The following CEP128 variants were observed in gnomAD, a reference collection of about 807,000 sequenced individuals.
CEP128 encodes the protein centrosomal protein 128kDa.
In CEP128, 132 loss-of-function variants were observed where a neutral mutation model predicts 156.7. The ratio of observed to expected loss-of-function variants is 0.84; its 90% CI spans 0.73 to 0.97. The LOEUF is 0.97. CEP128 is among the 50% of genes least tolerant of loss of function. The pLI, the probability that CEP128 is intolerant of heterozygous loss-of-function variation, is 0.00. For synonymous variants in CEP128, 469 were observed against 448.9 expected, an observed-to-expected ratio of 1.04 and a Z score of -0.57; for missense variants, 1,252 against 1,281.9, an observed-to-expected ratio of 0.98 and a Z score of 0.36.
intron 19 of CEP128, among the ~76,000 whole-genome samples, chr14:80,705,526 G>A (rs959014863): frequency 2.0e-5 from 3 of 152,088 alleles, no homozygotes; most frequent in African/African-American, 7.2e-5. Flanking sequence ...CCATCAAGAG[G>A]TTGAAGAAAA....
At chr14:80,565,561 T>C (rs1370357006) in intron 20 of CEP128, among the ~76,000 whole-genome samples, 2 of 152,114 alleles carry the variant, frequency 1.3e-5, no homozygotes, top group Non-Finnish European at 2.9e-5. Flanking sequence ...GGTGAACCCA[T>C]TGGGTGGATA....
chr14:80,512,182 A>G (rs1045902545), intron 23 of CEP128, among the ~76,000 whole-genome samples: 1 of 152,052 alleles, frequency 6.6e-6, no homozygotes, highest in African/African-American at 2.4e-5. Context: ...TGAAGTCTTC[A>G]GCTTTTATTG....
Position 80,616,718 on chromosome 14 carries a change from G to A in CEP128, c.2807-36295C>T, listed in dbSNP as rs773630540. 3.5e-4 allele frequency among the ~76,000 whole-genome samples: 54 copies of A among 152,158 alleles called. 1 individual carries two copies. Among genetic ancestry groups the A allele is most frequent in the Middle Eastern group, 6.8e-3 (2 of 294 alleles). The stretch of plus-strand genomic sequence containing the variant: ...TGCCATACCTCAGAAAGTACTATAC[G>A]GAGTCTCAATCCAGGAAAAGTAGAA... On this transcript the variant is annotated intron_variant, in intron 19 of 24. Transcript: ENST00000555265.
intron 19 of CEP128, among the ~76,000 whole-genome samples, chr14:80,663,408 C>G (rs1895479644): frequency 6.6e-6 from 1 of 152,104 alleles, no homozygotes; most frequent in Admixed American, 6.6e-5. Flanking sequence ...CAAAACAGTA[C>G]AATCTACCAT....
intron 4 of CEP128, among the ~76,000 whole-genome samples, chr14:80,907,267 C>G (rs370431195): frequency 1.3e-5 from 2 of 150,990 alleles, no homozygotes; most frequent in African/African-American, 4.9e-5. Flanking sequence ...CTCTCATTTC[C>G]GAAAGAAAAA....
chr14:80,479,433 A>T (rs764336468), intron 14 of CEP128, among the ~76,000 whole-genome samples: 14 of 152,172 alleles, frequency 9.2e-5, no homozygotes, highest in Non-Finnish European at 1.6e-4. Flanking sequence ...GGTGAAAGGC[A>T]CTTCTTACAT....
At chr14:80,541,443 T>TA (rs35523389) in intron 21 of CEP128, among the ~76,000 whole-genome samples, 16,362 of 109,890 alleles carry the variant, frequency 0.15, 1,391 homozygotes, top group East Asian at 0.24. Flanking sequence ...ATGACTGTGT[T>TA]AAAAAAAAAA....
intron 13 of CEP128, among the ~76,000 whole-genome samples, chr14:80,824,527 C>T (rs192768599): frequency 6.6e-6 from 1 of 152,170 alleles, no homozygotes; most frequent in African/African-American, 2.4e-5. Flanking sequence ...TTATTCTGAA[C>T]AGATATCCTA....
chr14:80,601,131 C>G (rs570596191), intron 19 of CEP128, among the ~76,000 whole-genome samples: 1 of 151,948 alleles, frequency 6.6e-6, no homozygotes, highest in South Asian at 2.1e-4. Flanking sequence ...TACTTAATAC[C>G]TAAATATGTA....
At chr14:80,551,977 T>C (rs752818397) in intron 21 of CEP128, among the ~76,000 whole-genome samples, 1 of 152,166 alleles carries the variant, frequency 6.6e-6, no homozygotes, top group Non-Finnish European at 1.5e-5. Flanking sequence ...CTGGGAAAAT[T>C]TGCCTCATGG....
At chr14:80,648,740 AAATT>A (rs779571276) in intron 19 of CEP128, among the ~76,000 whole-genome samples, 3 of 152,094 alleles carry the variant, frequency 2.0e-5, no homozygotes, top group Non-Finnish European at 4.4e-5. Flanking sequence ...ATCCAACTTT[AAATT>A]AATTAAACAC....
chr14:80,745,309 C>A (rs970363776), intron 18 of CEP128, among the ~76,000 whole-genome samples: 2 of 152,158 alleles, frequency 1.3e-5, no homozygotes, highest in African/African-American at 2.4e-5. Flanking sequence ...ACCAAGCCTC[C>A]TGCACAGCCT....
intron 19 of CEP128, among the ~76,000 whole-genome samples, chr14:80,630,178 A>G (rs1421983912): frequency 6.6e-6 from 1 of 152,030 alleles, no homozygotes; most frequent in Non-Finnish European, 1.5e-5. Context: ...AAAATCAACT[A>G]TCACTGAAAT....
chr14:80,921,009 TC>T (rs1235548629), intron 2 of CEP128, among the ~76,000 whole-genome samples: 8 of 152,086 alleles, frequency 5.3e-5, no homozygotes, highest in Non-Finnish European at 1.2e-4. Flanking sequence ...TAAAAACAAC[TC>T]AAATTTCAAA....
chr14:80,575,506 AG>A (rs1375724399), intron 20 of CEP128, among the ~76,000 whole-genome samples: 2 of 152,122 alleles, frequency 1.3e-5, no homozygotes, highest in African/African-American at 4.8e-5. Flanking sequence ...TGACCATGGC[AG>A]GGGGGAAGGT....
At chr14:80,661,731 T>C (rs1196781197) in intron 19 of CEP128, among the ~76,000 whole-genome samples, 4 of 152,194 alleles carry the variant, frequency 2.6e-5, no homozygotes, top group African/African-American at 9.7e-5. Context: ...CAAATAAATA[T>C]ATGTATTAAG....
chr14:80,709,386 C>T (rs1395534236), intron 19 of CEP128, among the ~76,000 whole-genome samples: 1 of 152,116 alleles, frequency 6.6e-6, no homozygotes, highest in African/African-American at 2.4e-5. Context: ...GATCCATCTG[C>T]CTCAGGCTCC....
intron 15 of CEP128, among the ~76,000 whole-genome samples, chr14:80,782,992 C>T (rs951780945): frequency 2.6e-5 from 4 of 152,028 alleles, no homozygotes; most frequent in Non-Finnish European, 1.5e-5. Context: ...ACAATCTCAT[C>T]CAAATCCCAT....
intron 21 of CEP128, among the ~76,000 whole-genome samples, chr14:80,548,667 C>T: frequency 6.6e-6 from 1 of 152,138 alleles, no homozygotes; most frequent in East Asian, 1.9e-4. Context: ...ATGTGCTGTT[C>T]TTAATATTGT....
Sources: gnomAD v4.1 joint callset for allele counts (sites outside exome capture counted in the v4.1 genomes callset) on GRCh38, gnomAD v4.1.1 for gene constraint, MANE v1.5 for transcripts, NCBI Gene and HGNC (gene_info 2026-07-23, HGNC 2026-07-21) for gene names.